ACER2: variants seen among roughly 807,000 people sequenced by gnomAD.
The protein encoded by ACER2 is alkCDase 2.
ACER2 carries 26 observed loss-of-function variants against 34.7 expected under a neutral mutation model. That is an observed-to-expected ratio of 0.75 (90% CI 0.55 to 1.04). The LOEUF is 1.04. Among genes scored for constraint, ACER2 ranks in the 50% least tolerant of loss-of-function variants. ACER2 has a pLI of 0.00. For missense variants in ACER2, 352 were observed against 340.8 expected, an observed-to-expected ratio of 1.03 and a Z score of -0.26; for synonymous variants, 138 against 132.1, an observed-to-expected ratio of 1.04 and a Z score of -0.31.
chr9:19,426,701 A>C (rs967947410), intron 3 of ACER2, among the ~76,000 whole-genome samples: 1 of 151,808 alleles, frequency 6.6e-6, no homozygotes, highest in Non-Finnish European at 1.5e-5. Flanking sequence ...GGTAGGGGGA[A>C]AGTTGTTTGA....
At chr9:19,430,822 G>C (rs1830730439) in intron 3 of ACER2, among the ~76,000 whole-genome samples, 1 of 152,080 alleles carries the variant, frequency 6.6e-6, no homozygotes, top group Non-Finnish European at 1.5e-5. Context: ...GCTTAGGGTG[G>C]TGGCAGGTGC....
chr9:19,409,389 G>A (rs934321994), intron 1 of ACER2, among the ~76,000 whole-genome samples, 197 bp downstream of exon 1: 1 of 152,144 alleles, frequency 6.6e-6, no homozygotes, highest in Non-Finnish European at 1.5e-5. Context: ...CCCCATTCCC[G>A]ACAGCTGGGC....
intron 3 of ACER2, among the ~76,000 whole-genome samples, chr9:19,428,767 G>C (rs1420944096): frequency 7.0e-6 from 1 of 142,770 alleles, no homozygotes; most frequent in African/African-American, 2.6e-5. Flanking sequence ...ATGGCTTATG[G>C]ACAAGTGGGT....
rs142382886 is a variant in ACER2, at chr9:19,423,182, A to G, written c.109-680A>G. On this transcript the variant is annotated intron_variant, in intron 1 of 5. Coordinates refer to ENST00000340967, the MANE Select transcript of ACER2 (RefSeq NM_001010887.3). ...CTCTTAAAAAAGGATTGTGAAAAAA[A>G]TAAGTGCAAGTAAATTAGAATGATT... Among the ~76,000 whole-genome samples the G allele has an allele frequency of 3.6e-3, 555 of 152,286 alleles. 6 individuals carry two copies. Among genetic ancestry groups the G allele is most frequent in the Non-Finnish European group, 3.1e-3 (211 of 68,032 alleles).
intron 3 of ACER2, among the ~76,000 whole-genome samples, chr9:19,428,318 TCAC>T (rs1023442918): frequency 6.6e-6 from 1 of 151,746 alleles, no homozygotes; most frequent in Admixed American, 6.6e-5. Flanking sequence ...CAGGTGCATG[TCAC>T]CACATGTGGC....
chr9:19,427,760 A>G (rs933045274), intron 3 of ACER2, among the ~76,000 whole-genome samples: 17 of 151,080 alleles, frequency 1.1e-4, no homozygotes, highest in Non-Finnish European at 2.2e-4. Context: ...TCCACTTCCT[A>G]TGTTCACGCC....
At position 19,428,210 on chromosome 9, in the gene ACER2, C is replaced by T. The variant is rs575049015; in HGVS notation, c.365+3369C>T. 2.0e-4 allele frequency among the ~76,000 whole-genome samples: 30 copies of T among 151,208 alleles called. 2 individuals are homozygous for T. The East Asian group carries it at 4.3e-3, about 22-fold the overall frequency. On this transcript the variant is annotated intron_variant, in intron 3 of 5. Coordinates refer to ENST00000340967, the MANE Select transcript of ACER2 (RefSeq NM_001010887.3). ...GAGACAGAGTTTCACTCTTATTGCC[C>T]GGGCTGGAGTGCAATAGTACGATCT...
chr9:19,426,843 C>CTTGAG (rs1465299621), intron 3 of ACER2, among the ~76,000 whole-genome samples: 3 of 151,942 alleles, frequency 2.0e-5, no homozygotes, highest in Non-Finnish European at 4.4e-5. Context: ...AGGAAGATCT[C>CTTGAG]TTGAGCCCAG....
intron 4 of ACER2, among the ~76,000 whole-genome samples, chr9:19,445,708 A>G (rs1831331754): frequency 6.6e-6 from 1 of 152,212 alleles, no homozygotes; most frequent in Admixed American, 6.5e-5. Context: ...AGGGAAGAGT[A>G]CACACGAGAG....
At chr9:19,428,645 G>C (rs1405762595) in intron 3 of ACER2, among the ~76,000 whole-genome samples, 1 of 151,844 alleles carries the variant, frequency 6.6e-6, no homozygotes, top group African/African-American at 2.4e-5. Flanking sequence ...AATTGGAGAT[G>C]ACAAAAGTAT....
At chr9:19,418,216 T>G (rs1038219402) in intron 1 of ACER2, among the ~76,000 whole-genome samples, 3 of 152,114 alleles carry the variant, frequency 2.0e-5, no homozygotes, top group Non-Finnish European at 4.4e-5. Context: ...AGAGAGGATG[T>G]GGAGAAATAG....
At chr9:19,426,663 T>TTTTTC (rs1446439032) in intron 3 of ACER2, among the ~76,000 whole-genome samples, 22 of 152,304 alleles carry the variant, frequency 1.4e-4, no homozygotes, top group African/African-American at 4.8e-4. Flanking sequence ...GAAAACCTTT[T>TTTTTC]TTTTCTTTTC....
At chr9:19,441,454 C>T (rs1831155720) in intron 4 of ACER2, among the ~76,000 whole-genome samples, 2 of 152,196 alleles carry the variant, frequency 1.3e-5, no homozygotes, top group South Asian at 4.1e-4. Flanking sequence ...CCACAAGAAG[C>T]TCCTCTGCCT....
chr9:19,435,236 G>C, intron 4 of ACER2, 152 bp downstream of exon 4: 1 of 1,046,548 alleles, frequency 9.6e-7, no homozygotes, highest in South Asian at 1.7e-5. Flanking sequence ...TTGATGGTTT[G>C]GTTCAAAATA....
chr9:19,435,515 T>G (rs752581044), intron 4 of ACER2, among the ~76,000 whole-genome samples: 6 of 152,262 alleles, frequency 3.9e-5, no homozygotes, highest in Non-Finnish European at 8.8e-5. Flanking sequence ...CTCTGAGGCT[T>G]AATGTCTCAT....
intron 4 of ACER2, among the ~76,000 whole-genome samples, chr9:19,435,666 C>T (rs567420701): frequency 5.2e-4 from 77 of 148,128 alleles, no homozygotes; most frequent in African/African-American, 1.8e-3. Flanking sequence ...GCAGGAGAAT[C>T]GCCTGAACCT....
At chr9:19,434,029 G>A (rs1321721093) in intron 3 of ACER2, among the ~76,000 whole-genome samples, 11 of 146,110 alleles carry the variant, frequency 7.5e-5, no homozygotes, top group Non-Finnish European at 1.0e-4. Flanking sequence ...GGCGGCTGCC[G>A]GGCGGAGGGT....
intron 1 of ACER2, chr9:19,409,780 G>C: frequency 1.0e-6 from 1 of 985,058 alleles, no homozygotes; most frequent in Non-Finnish European, 1.2e-6. Flanking sequence ...TTAGTGTCCT[G>C]TCTTGTGCAA....
chr9:19,438,133 C>G (rs765032157), intron 4 of ACER2, among the ~76,000 whole-genome samples: 3 of 152,188 alleles, frequency 2.0e-5, no homozygotes, highest in Non-Finnish European at 4.4e-5. Flanking sequence ...TCAGTTCAGG[C>G]TTTTACTAGC....
Sources: gnomAD v4.1 joint callset for allele counts (sites outside exome capture counted in the v4.1 genomes callset) on GRCh38, gnomAD v4.1.1 for gene constraint, MANE v1.5 for transcripts, NCBI Gene and HGNC (gene_info 2026-07-23, HGNC 2026-07-21) for gene names.